Variants in RFX6 observed in about 807,000 individuals in gnomAD.
RFX6 encodes regulatory factor X6, also known as DNA-binding protein RFX6.
RFX6 carries 50 observed loss-of-function variants against 110.8 expected under a neutral mutation model. That is an observed-to-expected ratio of 0.45 (90% CI 0.36 to 0.57). RFX6 has a LOEUF of 0.57. Ranked by LOEUF, RFX6 falls within the 20% of genes least tolerant of loss-of-function variation. The pLI is 0.00. For synonymous variants in RFX6, 383 were observed against 411.2 expected (o/e 0.93, Z 0.83); for missense variants, 990 against 1,127.0 (o/e 0.88, Z 1.74).
In RFX6 at chr6:116,877,800, G is replaced by A. The variant is rs767874388; in HGVS notation, c.228G>A (p.Met76Ile). 1.2e-6 allele frequency: 2 copies of A among 1,612,118 alleles called. No homozygotes were observed. The highest frequency in any genetic ancestry group is 1.7e-6 in the Non-Finnish European group (2 of 1,179,002). The change falls in exon 2 of 19, where the codon ATG becomes ATA. Residue 76 changes from methionine (M) to isoleucine (I), a missense_variant. Physicochemically the swap from Met to Ile is conservative, Grantham distance 10. Transcript: ENST00000332958. ...ATCCCTTCAACTGGCAATCAGAAAT[G>A]CACTTAAACAATGGTAACTTTTCCT... ...PELPGAVKSE[M>I]HLNNGNFSSE...
At position 116,877,879 on chromosome 6, in the gene RFX6, T is replaced by C. The variant is rs768082628; in HGVS notation, c.307T>C (p.Tyr103His). 4 of 1,613,930 alleles carry C rather than the reference T, an allele frequency of 2.5e-6. No individual in the cohort carries two copies. The African/African-American group carries it at 5.3e-5, about 22-fold the overall frequency. The stretch of plus-strand genomic sequence containing the variant: ...CAGCAAAACCAAAGCAGCGGATCAA[T>C]ACCTGTCTCAGAAGAAAACCATCAC... ...HDSKTKAADQ[Y>H]LSQKKTITQI... The change falls in exon 2 of 19, where the codon TAC becomes CAC. Residue 103 changes from tyrosine to histidine, a missense_variant. Tyr to His is a moderately conservative substitution (Grantham distance 83). Transcript: ENST00000332958.
At chr6:116,881,084 T>G (rs1699860994) in intron 3 of RFX6, among the ~76,000 whole-genome samples, 1 of 152,066 alleles carries the variant, frequency 6.6e-6, no homozygotes, top group Admixed American at 6.6e-5. Context: ...GTATTAAAAT[T>G]TCTCCTAATT....
chr6:116,886,835 C>T (rs962314369), intron 4 of RFX6, among the ~76,000 whole-genome samples: 7 of 151,974 alleles, frequency 4.6e-5, no homozygotes, highest in African/African-American at 1.7e-4. Context: ...GAGGCTGAGA[C>T]AGGAGGATCA....
At chr6:116,911,975 CTGTT>C (rs901033408) in intron 7 of RFX6, among the ~76,000 whole-genome samples, 5 of 152,138 alleles carry the variant, frequency 3.3e-5, no homozygotes, top group Admixed American at 2.6e-4. Context: ...CAGCCATACT[CTGTT>C]AGTTAAGAAT....
chr6:116,917,651 C>T (rs1775496654), intron 9 of RFX6, among the ~76,000 whole-genome samples: 1 of 152,104 alleles, frequency 6.6e-6, no homozygotes, highest in South Asian at 2.1e-4. Flanking sequence ...AACCTGGTTT[C>T]TCCTCCTCAT....
At chr6:116,893,390 A>G (rs140789043) in intron 4 of RFX6, among the ~76,000 whole-genome samples, 2 of 152,364 alleles carry the variant, frequency 1.3e-5, no homozygotes, top group Non-Finnish European at 2.9e-5. Context: ...ATTTAAAACA[A>G]ATTATCTACA....
At chr6:116,877,626 A>T in intron 1 of RFX6, 128 bp downstream of exon 1, 1 of 1,056,408 alleles carries the variant, frequency 9.5e-7, no homozygotes, top group Non-Finnish European at 1.4e-6. Flanking sequence ...AAATCTTTGT[A>T]TTTCCTCAGT....
intron 2 of RFX6, 143 bp downstream of exon 2, chr6:116,878,095 T>G: frequency 1.2e-6 from 1 of 846,894 alleles, no homozygotes; most frequent in East Asian, 2.7e-5. Context: ...TAACCCAGAA[T>G]TTTTTTCACT....
chr6:116,920,277 T>C (rs772987539), intron 11 of RFX6, 33 bp from the exon 12 acceptor site: 10 of 1,559,602 alleles, frequency 6.4e-6, no homozygotes, highest in Non-Finnish European at 8.8e-6. Flanking sequence ...AGAAATGATA[T>C]AGTGTAGTGT....
chr6:116,921,779 C>T (rs1307933520), intron 12 of RFX6, among the ~76,000 whole-genome samples: 2 of 151,412 alleles, frequency 1.3e-5, no homozygotes, highest in Non-Finnish European at 2.9e-5. Flanking sequence ...GCCATGATCA[C>T]GTCATTGCAC....
intron 17 of RFX6, among the ~76,000 whole-genome samples, chr6:116,927,953 A>G (rs900676956): frequency 2.0e-5 from 3 of 151,712 alleles, no homozygotes; most frequent in Non-Finnish European, 4.4e-5. Flanking sequence ...ATGTTTGCCC[A>G]GGCTGGTCTC....
At chr6:116,920,279 G>A (rs762684466) in intron 11 of RFX6, 31 bp from the exon 12 acceptor site, 1 of 1,569,276 alleles carries the variant, frequency 6.4e-7, no homozygotes, top group Non-Finnish European at 8.8e-7. Context: ...AAATGATATA[G>A]TGTAGTGTCT....
intron 17 of RFX6, among the ~76,000 whole-genome samples, chr6:116,928,094 A>AC (rs397821446): frequency 2.0e-5 from 3 of 151,334 alleles, no homozygotes; most frequent in Non-Finnish European, 4.4e-5. Flanking sequence ...AAAAAAAAAA[A>AC]GATAGTTAAA....
chr6:116,889,820 T>C (rs1041060280), intron 4 of RFX6, among the ~76,000 whole-genome samples: 11 of 152,146 alleles, frequency 7.2e-5, no homozygotes, highest in Non-Finnish European at 1.2e-4. Flanking sequence ...AATCTCTTAA[T>C]TGGCAAATGT....
chr6:116,924,838 C>T (rs759829182), intron 15 of RFX6, 47 bp downstream of exon 15: 48 of 1,380,936 alleles, frequency 3.5e-5, no homozygotes, highest in Non-Finnish European at 4.5e-5. Flanking sequence ...TTGTTTTAAT[C>T]TTAAGTTCAA....
In RFX6 at chr6:116,931,487, C is replaced by G. The variant is rs1355611886; in HGVS notation, c.2768C>G (p.Thr923Arg). ...LPPINTVFMGTAAGGT is the reference protein window; with the variant it reads ...LPPINTVFMGRAAGGT ...CCTATCAACACTGTGTTCATGGGAA[C>G]AGCAGCTGGAGGCACTTAAACCACC... Residue 923 changes from threonine to arginine, a missense_variant, in exon 19 of 19, where the codon ACA (threonine) becomes AGA (arginine). Physicochemically the swap from Thr to Arg is moderately conservative, Grantham distance 71. This residue lies in a region of RFX6 where 438 missense variants were observed against 441.9 expected (regional missense o/e 0.99). Transcript: ENST00000332958. 19 of 1,613,326 alleles carry G rather than the reference C, an allele frequency of 1.2e-5. No individual in the cohort carries two copies. Among genetic ancestry groups the G allele is most frequent in the Non-Finnish European group, 1.5e-5 (18 of 1,179,446 alleles).
chr6:116,923,436 G>C, intron 14 of RFX6: 2 of 559,852 alleles, frequency 3.6e-6, no homozygotes, highest in Non-Finnish European at 6.4e-6. Flanking sequence ...CTGGCTATGG[G>C]CCAATCTGCT....
intron 11 of RFX6, 55 bp downstream of exon 11, chr6:116,919,351 T>C: frequency 6.7e-7 from 1 of 1,501,872 alleles, no homozygotes; most frequent in Non-Finnish European, 9.3e-7. Context: ...AAATGAATCT[T>C]CTGAGAAGGA....
At position 116,923,094 on chromosome 6, in the gene RFX6, C is replaced by T; in HGVS notation, c.1438-13C>T. 1 of 1,374,200 alleles carries T rather than the reference C, an allele frequency of 7.3e-7. No homozygotes were observed. Among genetic ancestry groups the T allele is most frequent in the Non-Finnish European group, 1.0e-6 (1 of 961,116 alleles). 85.1% of individuals were successfully genotyped at this position (1,374,200 alleles called of 1,614,324 possible). On this transcript the variant is annotated splice_polypyrimidine_tract_variant and intron_variant, in intron 13 of 18. Coordinates refer to ENST00000332958, the MANE Select transcript of RFX6 (RefSeq NM_173560.4). The stretch of plus-strand genomic sequence containing the variant: ...ACGGATTTTATAGTTTCATTTTGTT[C>T]CTTTACTTTTAGACCAGCAAACAAA...
Sources: gnomAD v4.1 joint callset for allele counts (sites outside exome capture counted in the v4.1 genomes callset) on GRCh38, gnomAD v4.1.1 for gene constraint, gnomAD v4.1.1 regional missense constraint, MANE v1.5 for transcripts, NCBI Gene and HGNC (gene_info 2026-07-23, HGNC 2026-07-21) for gene names.